The following TAF3 variants were observed in gnomAD, a reference collection of about 807,000 sequenced individuals.
TAF3 encodes transcription initiation factor TFIID subunit 3.
Under a neutral mutation model 80.6 loss-of-function variants are expected in TAF3, and 7 were observed. The observed-to-expected ratio is 0.09, with a 90% confidence interval of 0.05 to 0.16. The LOEUF (loss-of-function observed/expected upper bound fraction) is 0.16. TAF3 is among the 10% of genes least tolerant of loss of function. The pLI is 1.00. For synonymous variants in TAF3, 444 were observed against 446.1 expected, an observed-to-expected ratio of 1.00 and a Z score of 0.06; for missense variants, 921 against 1,140.2, an observed-to-expected ratio of 0.81 and a Z score of 2.77.
intron 2 of TAF3, among the ~76,000 whole-genome samples, chr10:7,886,406 C>A (rs527911542): frequency 6.6e-6 from 1 of 152,294 alleles, no homozygotes; most frequent in East Asian, 1.9e-4. Flanking sequence ...TACAATTCTT[C>A]CATATTTGCC....
At chr10:7,976,396 G>A (rs1373328664) in intron 3 of TAF3, among the ~76,000 whole-genome samples, 3 of 150,302 alleles carry the variant, frequency 2.0e-5, no homozygotes, top group African/African-American at 4.9e-5. Context: ...ACAGGCACCC[G>A]CCACCATGAC....
At chr10:7,998,179 G>C (rs895844073) in intron 4 of TAF3, among the ~76,000 whole-genome samples, 1 of 149,190 alleles carries the variant, frequency 6.7e-6, no homozygotes, top group Non-Finnish European at 1.5e-5. Context: ...AGTTTGTCTT[G>C]TCAACACTGA....
chr10:7,998,934 T>C (rs116265053), intron 4 of TAF3, among the ~76,000 whole-genome samples: 1,973 of 152,216 alleles, frequency 0.013, 55 homozygotes, highest in African/African-American at 0.045. Context: ...ATTATGTGTT[T>C]GGTATAGCTG....
At chr10:7,928,861 T>C (rs1588555371) in intron 2 of TAF3, among the ~76,000 whole-genome samples, 1 of 152,176 alleles carries the variant, frequency 6.6e-6, no homozygotes, top group East Asian at 1.9e-4. Flanking sequence ...TCTGGAGAAG[T>C]AGGCATATTA....
intron 4 of TAF3, among the ~76,000 whole-genome samples, chr10:8,002,074 C>T (rs949339234): frequency 2.6e-5 from 4 of 152,152 alleles, no homozygotes; most frequent in African/African-American, 9.7e-5. Context: ...TGATAACTTA[C>T]ATTTTCAGGC....
At chr10:7,864,227 C>A (rs1002482277) in intron 2 of TAF3, among the ~76,000 whole-genome samples, 1 of 152,170 alleles carries the variant, frequency 6.6e-6, no homozygotes, top group Non-Finnish European at 1.5e-5. Context: ...TTTCTGTGTT[C>A]TACCTATTCT....
Position 7,824,478 on chromosome 10 carries a change from T to G in TAF3, c.327T>G (p.Phe109Leu). 1 of 1,614,208 alleles carries G rather than the reference T, an allele frequency of 6.2e-7. No individual in the cohort carries two copies. The highest frequency in any genetic ancestry group is 8.5e-7 in the Non-Finnish European group (1 of 1,180,036). The change falls in exon 2 of 7, where the codon TTT becomes TTG. Residue 109 changes from phenylalanine to leucine, a missense_variant. Coordinates refer to ENST00000344293, the MANE Select transcript of TAF3 (RefSeq NM_031923.4). ...FPVSKNNVLQ[F>L]PQPGSKDAEE... ...TTAGCAAGAACAATGTACTTCAGTT[T>G]CCTCAACCTGGAAGTAAAGATGCAG...
intron 2 of TAF3, among the ~76,000 whole-genome samples, chr10:7,875,999 G>GT (rs915339816): frequency 7.3e-5 from 11 of 151,322 alleles, no homozygotes; most frequent in East Asian, 1.9e-4. Context: ...TTCTCTTTAA[G>GT]TTTTTTTATC....
At chr10:7,897,971 CTT>C in intron 2 of TAF3, among the ~76,000 whole-genome samples, 1 of 152,144 alleles carries the variant, frequency 6.6e-6, no homozygotes, top group South Asian at 2.1e-4. Context: ...CCTATTTTCT[CTT>C]TTGGAATTCT....
At chr10:8,005,171 T>C (rs1251851670) in intron 4 of TAF3, among the ~76,000 whole-genome samples, 1 of 152,238 alleles carries the variant, frequency 6.6e-6, no homozygotes, top group Non-Finnish European at 1.5e-5. Context: ...TTTTTTAACA[T>C]TGTAAGCAAA....
At chr10:7,923,781 A>G (rs1837789814) in intron 2 of TAF3, among the ~76,000 whole-genome samples, 1 of 152,132 alleles carries the variant, frequency 6.6e-6, no homozygotes, top group Non-Finnish European at 1.5e-5. Context: ...TTGATCATCC[A>G]TTGTATTAGA....
At chr10:7,989,923 A>G (rs1481589996) in intron 4 of TAF3, among the ~76,000 whole-genome samples, 2 of 152,192 alleles carry the variant, frequency 1.3e-5, no homozygotes, top group Non-Finnish European at 2.9e-5. Context: ...TTATTTTTAT[A>G]ACTTTGTACA....
intron 2 of TAF3, among the ~76,000 whole-genome samples, chr10:7,960,323 A>G (rs1838177611): frequency 6.6e-6 from 1 of 152,174 alleles, no homozygotes; most frequent in Non-Finnish European, 1.5e-5. Context: ...AGGGAGGGAA[A>G]AGTTTAGATG....
At chr10:7,912,827 G>A (rs577271194) in intron 2 of TAF3, among the ~76,000 whole-genome samples, 179 of 151,476 alleles carry the variant, frequency 1.2e-3, no homozygotes, top group African/African-American at 4.2e-3. Context: ...AGGCACTGGT[G>A]CTTTTTTTCC....
chr10:7,858,868 G>A (rs1472697714), intron 2 of TAF3, among the ~76,000 whole-genome samples: 5 of 152,274 alleles, frequency 3.3e-5, no homozygotes, highest in East Asian at 3.9e-4. Flanking sequence ...GTGAGTGTGC[G>A]TGTGTGCATA....
chr10:7,896,132 C>T (rs964803282), intron 2 of TAF3, among the ~76,000 whole-genome samples: 7 of 152,104 alleles, frequency 4.6e-5, no homozygotes, highest in Non-Finnish European at 8.8e-5. Flanking sequence ...TTTACCAAGC[C>T]CTGAAATGAA....
intron 2 of TAF3, among the ~76,000 whole-genome samples, chr10:7,835,646 C>G (rs1341848102): frequency 2.0e-5 from 3 of 152,160 alleles, no homozygotes; most frequent in African/African-American, 7.2e-5. Flanking sequence ...CTTGTACTCC[C>G]TGTACTGGAA....
intron 2 of TAF3, among the ~76,000 whole-genome samples, chr10:7,902,016 T>C (rs1027704251): frequency 6.6e-5 from 10 of 151,970 alleles, no homozygotes; most frequent in African/African-American, 2.4e-4. Flanking sequence ...CCACTGAGAG[T>C]ACTGGCAGAC....
intron 2 of TAF3, among the ~76,000 whole-genome samples, chr10:7,840,984 G>A (rs1396516710): frequency 6.6e-6 from 1 of 151,926 alleles, no homozygotes; most frequent in East Asian, 1.9e-4. Flanking sequence ...CAAGTAGCTG[G>A]GATTACAGGC....
Sources: gnomAD v4.1 joint callset for allele counts (sites outside exome capture counted in the v4.1 genomes callset) on GRCh38, gnomAD v4.1.1 for gene constraint, MANE v1.5 for transcripts, NCBI Gene and HGNC (gene_info 2026-07-23, HGNC 2026-07-21) for gene names.